Variants in SHROOM3 observed in about 807,000 individuals in gnomAD.
The protein encoded by SHROOM3 is protein Shroom3.
Under a neutral mutation model 138.6 loss-of-function variants are expected in SHROOM3, and 47 were observed. That is an observed-to-expected ratio of 0.34 (90% CI 0.27 to 0.43). The LOEUF is 0.43. Ranked by LOEUF, SHROOM3 falls within the 20% of genes least tolerant of loss-of-function variation. The pLI is 1.00. For missense variants in SHROOM3, 2,491 were observed against 2,596.5 expected, an observed-to-expected ratio of 0.96 and a Z score of 0.88; for synonymous variants, 1,062 against 1,063.3, an observed-to-expected ratio of 1.00 and a Z score of 0.02.
intron 1 of SHROOM3, among the ~76,000 whole-genome samples, chr4:76,524,795 T>C (rs1323523943): frequency 6.6e-6 from 1 of 152,172 alleles, no homozygotes; most frequent in East Asian, 1.9e-4. Flanking sequence ...CGTCATGCCA[T>C]TCCATTTAAC....
chr4:76,586,328 G>T, intron 2 of SHROOM3: 2 of 985,740 alleles, frequency 2.0e-6, no homozygotes, highest in Admixed American at 6.1e-5. Context: ...TCCTTCCTGG[G>T]CCAGAACCGT....
chr4:76,759,341 G>T (rs1262844291), intron 8 of SHROOM3, among the ~76,000 whole-genome samples: 1 of 152,204 alleles, frequency 6.6e-6, no homozygotes, highest in Non-Finnish European at 1.5e-5. Context: ...GCTGCTTTTG[G>T]TGGTTTTCCA....
chr4:76,592,682 A>G (rs935693540), intron 2 of SHROOM3, among the ~76,000 whole-genome samples: 1 of 152,200 alleles, frequency 6.6e-6, no homozygotes, highest in Non-Finnish European at 1.5e-5. Context: ...TACCAAGTCC[A>G]TGCTCTCTAG....
At position 76,741,289 on chromosome 4, in the gene SHROOM3, C is replaced by G; in HGVS notation, c.3116C>G (p.Pro1039Arg). 4.3e-6 allele frequency: 7 copies of G among 1,612,078 alleles called. No homozygotes were observed. Among genetic ancestry groups the G allele is most frequent in the Admixed American group, 1.7e-5 (1 of 60,002 alleles). Residue 1039 changes from proline (P) to arginine (R), a missense_variant, in exon 5 of 11, where the codon CCC (proline) becomes CGC (arginine). By Grantham distance (103) the Pro-to-Arg change is moderately radical. This residue lies in a region of SHROOM3 where 1,733 missense variants were observed against 1,661.6 expected (regional missense o/e 1.04). Coordinates refer to ENST00000296043, the MANE Select transcript of SHROOM3 (RefSeq NM_020859.4). This position sits in a 1 kb window ranked among gnomAD's most constrained non-coding sequence, Gnocchi z 6.2. ...ATCGTGGAGGAGGCCGAACCGGCAC[C>G]CCTGGGCCCGCAGAGAAATGGGATG... Reference protein sequence around the residue: ...VGIVEEAEPAPLGPQRNGMRF... With the variant: ...VGIVEEAEPARLGPQRNGMRF...
intron 2 of SHROOM3, among the ~76,000 whole-genome samples, chr4:76,611,430 G>T (rs542682554): frequency 6.6e-6 from 1 of 152,132 alleles, no homozygotes; most frequent in Non-Finnish European, 1.5e-5. Context: ...AAGAGCCATG[G>T]CAGGGGTGAA....
intron 1 of SHROOM3, among the ~76,000 whole-genome samples, chr4:76,454,609 A>C (rs1730990022): frequency 6.6e-6 from 1 of 152,212 alleles, no homozygotes; most frequent in African/African-American, 2.4e-5. Context: ...TGAAACCTAC[A>C]CATTTGTCTT....
At chr4:76,564,223 G>A (rs112274015) in intron 2 of SHROOM3, among the ~76,000 whole-genome samples, 24 of 152,146 alleles carry the variant, frequency 1.6e-4, no homozygotes, top group African/African-American at 5.1e-4. Context: ...CTGCACTTCC[G>A]TTTGCACCCA....
chr4:76,528,615 G>A (rs1225237927), intron 1 of SHROOM3, among the ~76,000 whole-genome samples: 1 of 138,878 alleles, frequency 7.2e-6, no homozygotes, highest in Non-Finnish European at 1.5e-5. Context: ...GCACAATCCT[G>A]GCTCACTGCA....
chr4:76,671,715 C>T (rs1222258761), intron 2 of SHROOM3, among the ~76,000 whole-genome samples: 4 of 152,140 alleles, frequency 2.6e-5, no homozygotes, highest in Non-Finnish European at 4.4e-5. Context: ...TAATAAAACA[C>T]GTTAGGTGAA....
chr4:76,516,878 T>G (rs750451174), intron 1 of SHROOM3, among the ~76,000 whole-genome samples: 2 of 152,228 alleles, frequency 1.3e-5, no homozygotes, highest in Non-Finnish European at 2.9e-5. Context: ...AGCTAGCCAA[T>G]CCAGAGTCTT....
At chr4:76,530,730 C>T (rs888958481) in intron 1 of SHROOM3, among the ~76,000 whole-genome samples, 1 of 152,164 alleles carries the variant, frequency 6.6e-6, no homozygotes, top group African/African-American at 2.4e-5. Flanking sequence ...AATTCCCGTG[C>T]CTGTACAAGC....
chr4:76,633,651 C>T (rs1161606394), intron 2 of SHROOM3, among the ~76,000 whole-genome samples: 6 of 111,858 alleles, frequency 5.4e-5, no homozygotes, highest in African/African-American at 2.2e-4. Context: ...AGCGAGACTC[C>T]GTCTCAAAAA....
At chr4:76,526,672 T>A (rs1560534179) in intron 1 of SHROOM3, among the ~76,000 whole-genome samples, 1 of 152,224 alleles carries the variant, frequency 6.6e-6, no homozygotes, top group Non-Finnish European at 1.5e-5. Context: ...TATTTTTAAC[T>A]GCCACATTGT....
At chr4:76,611,646 C>T (rs181097335) in intron 2 of SHROOM3, among the ~76,000 whole-genome samples, 66 of 152,240 alleles carry the variant, frequency 4.3e-4, no homozygotes, top group African/African-American at 1.6e-3. Context: ...TTGATAAGAA[C>T]TTCTTAAGGT....
At chr4:76,736,712 T>G (rs1360089386) in intron 4 of SHROOM3, among the ~76,000 whole-genome samples, 1 of 152,158 alleles carries the variant, frequency 6.6e-6, no homozygotes, top group Non-Finnish European at 1.5e-5. Context: ...TTAAACCACT[T>G]ATTCCTTCAT....
intron 3 of SHROOM3, among the ~76,000 whole-genome samples, chr4:76,727,101 TA>T (rs1401816682): frequency 1.3e-5 from 2 of 152,206 alleles, no homozygotes; most frequent in Non-Finnish European, 2.9e-5. Flanking sequence ...CTTCACTAAG[TA>T]GTGGGAATGA....
At chr4:76,621,054 C>A (rs1381356627) in intron 2 of SHROOM3, among the ~76,000 whole-genome samples, 2 of 152,034 alleles carry the variant, frequency 1.3e-5, no homozygotes, top group African/African-American at 4.8e-5. Flanking sequence ...AACAGAAAGA[C>A]TCTAGAAAAG....
Position 76,754,427 on chromosome 4 carries a change from A to C in SHROOM3, c.3944A>C (p.Glu1315Ala). The C allele has an allele frequency of 6.2e-7, 1 of 1,614,094 alleles. No homozygotes were observed. The highest frequency in any genetic ancestry group is 8.5e-7 in the Non-Finnish European group (1 of 1,179,994). ...ATTGGTGATTCCTCCGTTCCTAGTGAATGTCCTGGAACCCTGGACCATCAG... is the reference window on the plus strand; with the variant it reads ...ATTGGTGATTCCTCCGTTCCTAGTGCATGTCCTGGAACCCTGGACCATCAG... ...KAIGDSSVPS[E>A]CPGTLDHQRQ... Residue 1315 changes from glutamate to alanine, a missense_variant, in exon 7 of 11, where the codon GAA becomes GCA. Glu to Ala is a moderately radical substitution (Grantham distance 107). Around this residue, in one of 4 missense-constraint regions of SHROOM3, gnomAD observed 1,733 missense variants for 1,661.6 expected, o/e 1.04. Coordinates refer to ENST00000296043, the MANE Select transcript of SHROOM3 (RefSeq NM_020859.4).
chr4:76,664,954 C>T lies in SHROOM3; in HGVS notation c.324-45202C>T, dbSNP rs1718652998. On this transcript the variant is annotated intron_variant, in intron 2 of 10. Coordinates refer to ENST00000296043, the MANE Select transcript of SHROOM3 (RefSeq NM_020859.4). The surrounding 1 kb of genome is among the most constrained non-coding windows in gnomAD (Gnocchi z 4.2). Reference sequence around the variant, plus strand: ...TCACTTGAGCCCAGGAGTTTGAGACCAGCCTGGGCAACACAGTGAGACCAC... The same window carrying T: ...TCACTTGAGCCCAGGAGTTTGAGACTAGCCTGGGCAACACAGTGAGACCAC... 6.6e-6 allele frequency among the ~76,000 whole-genome samples: 1 copy of T among 152,040 alleles called. No homozygotes were observed. The highest frequency in any genetic ancestry group is 1.5e-5 in the Non-Finnish European group (1 of 68,018).
Sources: allele counts gnomAD v4.1 joint callset (sites outside exome capture counted in the v4.1 genomes callset), GRCh38; gene constraint gnomAD v4.1.1; regional missense constraint gnomAD v4.1.1; non-coding constraint Gnocchi (gnomAD v3.1); transcripts MANE v1.5; gene names NCBI Gene and HGNC (gene_info 2026-07-23, HGNC 2026-07-21).